Variants in PSD3 observed in about 807,000 individuals in gnomAD.
The protein encoded by PSD3 is pleckstrin and Sec7 domain containing 3.
In PSD3, 49 loss-of-function variants were observed where a neutral mutation model predicts 105.5. The observed-to-expected ratio is 0.46, with a 90% CI of 0.37 to 0.59. The LOEUF (loss-of-function observed/expected upper bound fraction) is 0.59, where lower values mean the gene tolerates loss of function less well. Ranked by LOEUF, PSD3 falls within the 20% of genes least tolerant of loss-of-function variation. The pLI is 0.00. For synonymous variants in PSD3, 557 were observed against 457.8 expected, an observed-to-expected ratio of 1.22 and a Z score of -2.77; for missense variants, 1,561 against 1,263.8, an observed-to-expected ratio of 1.24 and a Z score of -3.57.
At position 18,535,829 on chromosome 8, in the gene PSD3, G is replaced by C; in HGVS notation, c.3058C>G (p.Pro1020Ala). Reference sequence around the variant, plus strand: ...TTACGCTTGACTTTGGCAGTGATTGGAGAAGTATCCGGGTTCAGCGAAGGA... The same window carrying C: ...TTACGCTTGACTTTGGCAGTGATTGCAGAAGTATCCGGGTTCAGCGAAGGA... ...SSPSLNPDTS[P>A]ITAKVKRNVS... The change falls in exon 16 of 16, where the codon CCA (proline) becomes GCA (alanine). Residue 1020 changes from proline to alanine, a missense_variant. By Grantham distance (27) the Pro-to-Ala change is conservative. Transcript: ENST00000327040. 6.2e-7 allele frequency: 1 copy of C among 1,614,136 alleles called. No individual in the cohort carries two copies.
chr8:18,940,987 C>T (rs952156941), intron 1 of PSD3, among the ~76,000 whole-genome samples: 6 of 152,108 alleles, frequency 3.9e-5, no homozygotes, highest in African/African-American at 1.4e-4. Context: ...AGCTGTGAGC[C>T]CCTATTGATA....
At chr8:18,547,599 A>G (rs532561558) in intron 15 of PSD3, among the ~76,000 whole-genome samples, 14 of 152,252 alleles carry the variant, frequency 9.2e-5, no homozygotes, top group African/African-American at 2.6e-4. Context: ...CTACACTTTA[A>G]TGCTTTCCCT....
intron 8 of PSD3, among the ~76,000 whole-genome samples, chr8:18,772,860 T>C (rs1807671447): frequency 6.6e-6 from 1 of 152,224 alleles, no homozygotes; most frequent in Non-Finnish European, 1.5e-5. Context: ...TAAAGTATTT[T>C]TCCCCTTTTA....
intron 1 of PSD3, among the ~76,000 whole-genome samples, chr8:18,951,186 G>A (rs575198710): frequency 7.9e-5 from 12 of 152,258 alleles, no homozygotes; most frequent in African/African-American, 2.6e-4. Context: ...CTTGAGCCCA[G>A]GAGTTCAAGA....
chr8:18,693,400 T>C (rs1053751054), intron 9 of PSD3, among the ~76,000 whole-genome samples: 3 of 152,212 alleles, frequency 2.0e-5, no homozygotes, highest in Non-Finnish European at 4.4e-5. Flanking sequence ...GGCTTTGTCA[T>C]TGACTGGTCA....
At chr8:18,773,017 C>G (rs999723577) in intron 8 of PSD3, among the ~76,000 whole-genome samples, 1 of 152,044 alleles carries the variant, frequency 6.6e-6, no homozygotes, top group Non-Finnish European at 1.5e-5. Flanking sequence ...AAGGCACAAA[C>G]GTTTCAGTTT....
At chr8:19,066,354 C>A (rs1829075284) in intron 1 of PSD3, among the ~76,000 whole-genome samples, 1 of 152,204 alleles carries the variant, frequency 6.6e-6, no homozygotes, top group Non-Finnish European at 1.5e-5. Flanking sequence ...ATACCTCTGG[C>A]TGGATATAGG....
chr8:19,006,860 C>T (rs931383454), intron 1 of PSD3, among the ~76,000 whole-genome samples: 14 of 152,024 alleles, frequency 9.2e-5, no homozygotes, highest in African/African-American at 3.4e-4. Flanking sequence ...AACACCTTAG[C>T]TTTGATATAT....
intron 9 of PSD3, among the ~76,000 whole-genome samples, chr8:18,755,307 G>A (rs1212573819): frequency 6.6e-6 from 1 of 152,084 alleles, no homozygotes; most frequent in Non-Finnish European, 1.5e-5. Flanking sequence ...GCACGCGCCT[G>A]TAATCTCAGC....
chr8:19,034,128 C>T (rs1349785415), intron 1 of PSD3, among the ~76,000 whole-genome samples: 1 of 152,082 alleles, frequency 6.6e-6, no homozygotes, highest in Non-Finnish European at 1.5e-5. Context: ...AGAGGAAAAC[C>T]TGGCAGAGAC....
chr8:18,973,025 C>A lies in PSD3; in HGVS notation c.22-36883G>T, dbSNP rs573132751. Among the ~76,000 whole-genome samples the A allele has an allele frequency of 3.3e-5, 5 of 152,218 alleles. No homozygotes were observed. In the East Asian group the frequency reaches 9.7e-4, roughly 29 times the overall value. On this transcript the variant is annotated intron_variant, in intron 1 of 15. Coordinates refer to ENST00000327040, the MANE Select transcript of PSD3 (RefSeq NM_015310.4). Reference sequence around the variant, plus strand: ...CGAATTTGGACAAAAATAACAGACCCAATATAGGATAATGTAGACCTGAGT... The same window carrying A: ...CGAATTTGGACAAAAATAACAGACCAAATATAGGATAATGTAGACCTGAGT...
chr8:18,853,903 T>C (rs765138314), intron 4 of PSD3, among the ~76,000 whole-genome samples: 1 of 152,172 alleles, frequency 6.6e-6, no homozygotes, highest in Non-Finnish European at 1.5e-5. Flanking sequence ...CTGTAATAAA[T>C]ATACTCTTCA....
intron 15 of PSD3, among the ~76,000 whole-genome samples, chr8:18,540,437 A>G (rs1292951581): frequency 6.6e-6 from 1 of 152,170 alleles, no homozygotes; most frequent in African/African-American, 2.4e-5. Flanking sequence ...GGAAATGATT[A>G]GCACTCTAGT....
intron 15 of PSD3, among the ~76,000 whole-genome samples, chr8:18,544,200 CAAACA>C (rs1800324847): frequency 1.1e-5 from 1 of 90,324 alleles, no homozygotes; most frequent in African/African-American, 4.9e-5. Context: ...AAAAAAAAAC[CAAACA>C]AAACAAGGAG....
In PSD3 at chr8:18,872,924, C is replaced by T. The variant is rs564824560; in HGVS notation, c.131-191G>A. On this transcript the variant is annotated intron_variant, in intron 2 of 15. Coordinates refer to ENST00000327040, the MANE Select transcript of PSD3 (RefSeq NM_015310.4). ...ACAGTGATCCCTTCTACTCAGCCTACGCGAGTATAACCACAAAACTTTCGG... is the reference window on the plus strand; with the variant it reads ...ACAGTGATCCCTTCTACTCAGCCTATGCGAGTATAACCACAAAACTTTCGG... Among the ~76,000 whole-genome samples, 137 of 152,306 alleles carry T rather than the reference C, an allele frequency of 9.0e-4. 1 individual carries two copies. Among genetic ancestry groups the T allele is most frequent in the African/African-American group, 3.1e-3 (127 of 41,570 alleles).
At chr8:18,791,542 C>T (rs138644572) in intron 8 of PSD3, among the ~76,000 whole-genome samples, 2,515 of 152,286 alleles carry the variant, frequency 0.017, 30 homozygotes, top group Non-Finnish European at 0.027. Flanking sequence ...AAAACTGAAA[C>T]TGGATCCCTT....
At chr8:18,925,389 G>GTATATATATATATA (rs34212482) in intron 2 of PSD3, among the ~76,000 whole-genome samples, 9 of 147,764 alleles carry the variant, frequency 6.1e-5, no homozygotes, top group Admixed American at 2.7e-4. Flanking sequence ...ATCTCTAAAA[G>GTATATATATATATA]TATATATATA....
chr8:18,817,389 T>A (rs1477209112), intron 4 of PSD3, among the ~76,000 whole-genome samples: 1 of 152,142 alleles, frequency 6.6e-6, no homozygotes, highest in African/African-American at 2.4e-5. Flanking sequence ...TAATTCACCC[T>A]GTAGGTCATG....
chr8:18,646,932 A>G (rs1009122915), intron 10 of PSD3, among the ~76,000 whole-genome samples: 19 of 152,154 alleles, frequency 1.2e-4, no homozygotes, highest in Admixed American at 1.2e-3. Context: ...CTAGTTACCA[A>G]TTTCATATTT....
Sources: allele counts gnomAD v4.1 joint callset (sites outside exome capture counted in the v4.1 genomes callset), GRCh38; gene constraint gnomAD v4.1.1; transcripts MANE v1.5; gene names NCBI Gene and HGNC (gene_info 2026-07-23, HGNC 2026-07-21).